ABR: variants seen among roughly 807,000 people sequenced by gnomAD.
ABR encodes the protein ABR activator of RhoGEF and GTPase.
In ABR, 35 loss-of-function variants were observed where a neutral mutation model predicts 107.2. The observed-to-expected ratio is 0.33, with a 90% CI of 0.25 to 0.43. The LOEUF (loss-of-function observed/expected upper bound fraction) is 0.43, where lower values mean the gene tolerates loss of function less well. Among genes scored for constraint, ABR ranks in the 20% least tolerant of loss-of-function variants. The pLI is 1.00. For missense variants in ABR, 815 were observed against 1,115.2 expected (o/e 0.73, Z 3.83); for synonymous variants, 498 against 462.0 (o/e 1.08, Z -1.00).
intron 2 of ABR, among the ~76,000 whole-genome samples, chr17:1,109,270 G>T (rs1323672177): frequency 6.6e-6 from 1 of 151,880 alleles, no homozygotes; most frequent in Non-Finnish European, 1.5e-5. Flanking sequence ...GTCCTCGCCC[G>T]GCGAAAGGGG....
chr17:1,012,358 G>T, intron 18 of ABR: 1 of 648,460 alleles, frequency 1.5e-6, no homozygotes, highest in Non-Finnish European at 2.9e-6. Flanking sequence ...GGGGACACGT[G>T]CCCTTTCCCG....
At position 1,037,762 on chromosome 17, in the gene ABR, C is replaced by T. The variant is rs143969361; in HGVS notation, c.1791+12288G>A. ...AGGCCTGAAGGTGGGATGGGGTCGC[C>T]GAGCCTCCCTGCTCTTTCTTCATTC... On this transcript the variant is annotated intron_variant, in intron 16 of 22. Coordinates refer to ENST00000302538, the MANE Select transcript of ABR (RefSeq NM_021962.5). This position sits in a 1 kb window ranked among gnomAD's most constrained non-coding sequence, Gnocchi z 4.6. Among the ~76,000 whole-genome samples, 18 of 152,170 alleles carry T rather than the reference C, an allele frequency of 1.2e-4. No individual in the cohort carries two copies. Among genetic ancestry groups the T allele is most frequent in the South Asian group, 6.2e-4 (3 of 4,812 alleles).
intron 1 of ABR, among the ~76,000 whole-genome samples, chr17:1,212,908 G>C (rs977374413): frequency 6.6e-6 from 1 of 151,824 alleles, no homozygotes; most frequent in Non-Finnish European, 1.5e-5. Context: ...AAGAGAGAGA[G>C]AGATAAAGAG....
At chr17:1,086,262 G>T (rs2036584495) in intron 4 of ABR, among the ~76,000 whole-genome samples, 1 of 152,172 alleles carries the variant, frequency 6.6e-6, no homozygotes, top group Admixed American at 6.5e-5. Context: ...GTGCCCCAGG[G>T]GACTCAAGGG....
chr17:1,122,377 G>C (rs1300428448), intron 2 of ABR, among the ~76,000 whole-genome samples: 1 of 152,232 alleles, frequency 6.6e-6, no homozygotes, highest in African/African-American at 2.4e-5. Context: ...GGATGAGGTT[G>C]ATATGTGTAT....
chr17:1,028,234 G>GCA (rs1432296939), intron 16 of ABR, among the ~76,000 whole-genome samples: 3 of 151,032 alleles, frequency 2.0e-5, no homozygotes, highest in Admixed American at 6.6e-5. Flanking sequence ...GGGATTACAG[G>GCA]TGCCCGCCAC....
Position 1,012,138 on chromosome 17 carries a change from C to T in ABR, c.1962-153G>A, listed in dbSNP as rs529138102. The T allele has an allele frequency of 1.8e-4, 217 of 1,228,108 alleles. 1 individual carries two copies. The highest frequency in any genetic ancestry group is 4.6e-4 in the South Asian group (36 of 78,634). The allele number at this position is 1,228,108 out of a possible 1,614,324, so 76.1% of individuals were successfully genotyped here. On this transcript the variant is annotated intron_variant, in intron 18 of 22. Coordinates refer to ENST00000302538, the MANE Select transcript of ABR (RefSeq NM_021962.5). The stretch of plus-strand genomic sequence containing the variant: ...GGGGCAGGGCAGAGAAAGAGGCCAC[C>T]GCACCCCACCCCAGCCAGCCCACCC...
At chr17:1,147,011 T>A (rs1373735671) in intron 1 of ABR, among the ~76,000 whole-genome samples, 1 of 152,242 alleles carries the variant, frequency 6.6e-6, no homozygotes. Context: ...TGCCCAGCAA[T>A]ATCCCCATCC....
chr17:1,012,256 C>T (rs1302453296), intron 18 of ABR: 1 of 663,898 alleles, frequency 1.5e-6, no homozygotes, highest in South Asian at 1.5e-5. Context: ...AGAACGTCCC[C>T]CAGATTCAGA....
At chr17:1,126,064 G>A (rs948314332) in intron 1 of ABR, among the ~76,000 whole-genome samples, 8 of 152,136 alleles carry the variant, frequency 5.3e-5, no homozygotes, top group African/African-American at 1.4e-4. Context: ...AAAGGCGACC[G>A]GGAAGTTGAG....
rs769285645 is a variant in ABR at position 1,013,136 on chromosome 17, T to C, written c.1820A>G (p.Asn607Ser). 1.2e-6 allele frequency: 2 copies of C among 1,614,164 alleles called. No homozygotes were observed. The highest frequency in any genetic ancestry group is 1.7e-6 in the Non-Finnish European group (2 of 1,180,008). ...QLDPQTVETK[N>S]WHTDVIEMNG... is the part of the protein sequence containing the mutation. ...CATCTCAATCACGTCCGTGTGCCAGTTCTTGGTCTCCACGGTTTGTGGGTC... is the reference window on the plus strand; with the variant it reads ...CATCTCAATCACGTCCGTGTGCCAGCTCTTGGTCTCCACGGTTTGTGGGTC... The change falls in exon 17 of 23, where the codon AAC becomes AGC. Residue 607 changes from asparagine to serine, a missense_variant. Around this residue, in one of 5 missense-constraint regions of ABR, gnomAD observed 92 missense variants for 82.3 expected, o/e 1.12. Transcript: ENST00000302538.
chr17:1,034,750 G>A (rs753341614), intron 16 of ABR, among the ~76,000 whole-genome samples: 3 of 152,150 alleles, frequency 2.0e-5, no homozygotes, highest in African/African-American at 7.2e-5. Flanking sequence ...TCCTGGTGCC[G>A]TGACTTAACT....
At chr17:1,130,330 G>A (rs1385144852) in intron 1 of ABR, among the ~76,000 whole-genome samples, 1 of 151,962 alleles carries the variant, frequency 6.6e-6, no homozygotes, top group Non-Finnish European at 1.5e-5. Flanking sequence ...CATTCTAGAT[G>A]CCTCCACATT....
chr17:1,149,105 G>C (rs942153735), intron 1 of ABR, among the ~76,000 whole-genome samples: 1 of 151,912 alleles, frequency 6.6e-6, no homozygotes, highest in African/African-American at 2.4e-5. Context: ...GGGTTTCACC[G>C]TGTTAGCCGG....
rs199567594 is a variant in ABR at position 1,027,855 on chromosome 17, C to T, written c.1792-14691G>A. On this transcript the variant is annotated intron_variant, in intron 16 of 22. Transcript: ENST00000302538. This position sits in a 1 kb window ranked among gnomAD's most constrained non-coding sequence, Gnocchi z 4.7. ...GCCAGACTTCTATTGCAGAAGGCTG[C>T]GAGATCTTTCCTGACGCCCAGACTG... is the stretch of plus-strand genomic sequence containing the variant. Among the ~76,000 whole-genome samples, 16 of 151,914 alleles carry T rather than the reference C, an allele frequency of 1.1e-4. No homozygotes were observed. The highest frequency in any genetic ancestry group is 1.5e-4 in the African/African-American group (6 of 41,336).
chr17:1,004,976 G>A lies in ABR; in HGVS notation c.*1104C>T, dbSNP rs2069915229. On this transcript the variant is annotated 3_prime_UTR_variant, in exon 23 of 23. Transcript: ENST00000302538. ...GCTCCTGGCTGCAGCCTACCTGCCT[G>A]GACACCTGCTTCGGCCACATCAGTC... 2.5e-6 allele frequency: 1 copy of A among 399,098 alleles called. No individual in the cohort carries two copies. Among genetic ancestry groups the A allele is most frequent in the Non-Finnish European group, 4.4e-6 (1 of 226,250 alleles). The allele number at this position is 399,098 out of a possible 1,614,324, so 24.7% of individuals were successfully genotyped here.
intron 16 of ABR, among the ~76,000 whole-genome samples, chr17:1,019,557 C>G (rs1439643580): frequency 1.3e-5 from 2 of 151,546 alleles, no homozygotes; most frequent in East Asian, 2.0e-4. Context: ...GGTGCCCTGA[C>G]AACGACGCTC....
chr17:1,159,456 AAG>A lies in ABR; in HGVS notation c.61+20209_61+20210del, dbSNP rs2041185381. Reference sequence around the variant, plus strand: ...AGGTAAGAATGCGGTACTCACACACAAGGGAAGTAAGAATGCAGTACTCACGC... The same window carrying A: ...AGGTAAGAATGCGGTACTCACACACAGGAAGTAAGAATGCAGTACTCACGC... On this transcript the variant is annotated intron_variant, in intron 1 of 22. Transcript: ENST00000302538. Among the ~76,000 whole-genome samples, 2 of 66,096 alleles carry A rather than the reference AAG, an allele frequency of 3.0e-5. 1 individual carries two copies. Among genetic ancestry groups the A allele is most frequent in the African/African-American group, 1.3e-4 (2 of 15,804 alleles). 43.4% of individuals were successfully genotyped at this position (66,096 alleles called of 152,430 possible).
chr17:1,048,940 A>G (rs1422930557), intron 16 of ABR, among the ~76,000 whole-genome samples: 1 of 152,132 alleles, frequency 6.6e-6, no homozygotes, highest in Non-Finnish European at 1.5e-5. Context: ...TCTACCCCCA[A>G]ACCAGACCAC....
Sources: gnomAD v4.1 joint callset for allele counts (sites outside exome capture counted in the v4.1 genomes callset) on GRCh38, gnomAD v4.1.1 for gene constraint, gnomAD v4.1.1 regional missense constraint, Gnocchi (gnomAD v3.1) non-coding constraint, MANE v1.5 for transcripts, NCBI Gene and HGNC (gene_info 2026-07-23, HGNC 2026-07-21) for gene names.